The following SIPA1L1 variants were observed in gnomAD, a reference collection of about 807,000 sequenced individuals.
SIPA1L1 encodes signal-induced proliferation-associated 1-like protein 1.
SIPA1L1 carries 26 observed loss-of-function variants against 162.7 expected under a neutral mutation model. That is an observed-to-expected ratio of 0.16 (90% CI 0.12 to 0.22). SIPA1L1 has a LOEUF of 0.22. Ranked by LOEUF, SIPA1L1 falls within the 10% of genes least tolerant of loss-of-function variation. The probability of loss-of-function intolerance (pLI) is 1.00; values close to 1 mark genes in which losing one functional copy is unlikely to be tolerated. For synonymous variants in SIPA1L1, 829 were observed against 837.4 expected (o/e 0.99, Z 0.17); for missense variants, 1,874 against 2,241.0 (o/e 0.84, Z 3.31).
chr14:71,709,686 C>G, intron 17 of SIPA1L1, 22 bp downstream of exon 17: 1 of 1,591,928 alleles, frequency 6.3e-7, no homozygotes, highest in Non-Finnish European at 8.6e-7. Flanking sequence ...TCCCCGCTGT[C>G]TGATTCCCAG....
At chr14:71,401,203 G>A (rs940557182) in intron 2 of SIPA1L1, among the ~76,000 whole-genome samples, 3 of 152,256 alleles carry the variant, frequency 2.0e-5, no homozygotes, top group East Asian at 3.9e-4. Context: ...TCAAATGCCC[G>A]AAGAGTCACT....
chr14:71,616,667 G>A (rs2038877103), intron 5 of SIPA1L1, among the ~76,000 whole-genome samples: 1 of 152,116 alleles, frequency 6.6e-6, no homozygotes, highest in South Asian at 2.1e-4. Flanking sequence ...GATTAGGTTT[G>A]CATCTGAAAT....
chr14:71,675,895 G>C (rs2045116150), intron 12 of SIPA1L1, among the ~76,000 whole-genome samples: 2 of 152,134 alleles, frequency 1.3e-5, no homozygotes, highest in Admixed American at 1.3e-4. Flanking sequence ...AAATGGATTT[G>C]TGTGTTCACA....
chr14:71,603,676 A>T (rs2037072622), intron 5 of SIPA1L1, among the ~76,000 whole-genome samples: 1 of 151,924 alleles, frequency 6.6e-6, no homozygotes, highest in Non-Finnish European at 1.5e-5. Context: ...TAATCCCAGC[A>T]CTTTGGGAGG....
intron 16 of SIPA1L1, among the ~76,000 whole-genome samples, chr14:71,706,007 G>A (rs1449352292): frequency 2.6e-5 from 4 of 151,982 alleles, no homozygotes; most frequent in Non-Finnish European, 5.9e-5. Context: ...TCACTGGAAT[G>A]TGTATGTTTA....
At chr14:71,365,993 T>A (rs1357254655) in intron 2 of SIPA1L1, among the ~76,000 whole-genome samples, 1 of 151,388 alleles carries the variant, frequency 6.6e-6, no homozygotes, top group Non-Finnish European at 1.5e-5. Context: ...TCCAAAGTGC[T>A]GGGATTACAG....
At chr14:71,719,788 G>A (rs757101086) in intron 17 of SIPA1L1, among the ~76,000 whole-genome samples, 24 of 152,156 alleles carry the variant, frequency 1.6e-4, no homozygotes, top group Non-Finnish European at 3.4e-4. Context: ...CACTGCACCT[G>A]GCCTATTGTG....
intron 19 of SIPA1L1, among the ~76,000 whole-genome samples, chr14:71,729,489 C>G (rs539484683): frequency 1.3e-5 from 2 of 152,270 alleles, no homozygotes; most frequent in African/African-American, 4.8e-5. Flanking sequence ...TTTTGATGAT[C>G]AAATACCCTT....
At chr14:71,388,634 G>C (rs1175842351) in intron 2 of SIPA1L1, among the ~76,000 whole-genome samples, 1 of 152,242 alleles carries the variant, frequency 6.6e-6, no homozygotes, top group Non-Finnish European at 1.5e-5. Context: ...TGGATAGAGA[G>C]AATGAGAGGC....
In SIPA1L1 at chr14:71,624,159, C is replaced by T. The variant is rs373656237; in HGVS notation, c.1741C>T (p.Leu581Phe). 2 of 1,614,222 alleles carry T rather than the reference C, an allele frequency of 1.2e-6. No homozygotes were observed. Among genetic ancestry groups the T allele is most frequent in the Non-Finnish European group, 1.7e-6 (2 of 1,180,022 alleles). ...AGTGCTGGAGCACGTGGTTCCTGAG[C>T]TCAATGTCCAGTGCCTGCGGTTGGC... ...KEVLEHVVPE[L>F]NVQCLRLAFN... The change falls in exon 7 of 24, where the codon CTC becomes TTC. Residue 581 changes from leucine to phenylalanine, a missense_variant. Physicochemically the swap from Leu to Phe is conservative, Grantham distance 22. Coordinates refer to ENST00000381232, the MANE Select transcript of SIPA1L1 (RefSeq NM_001386936.1).
At chr14:71,663,809 A>G (rs2043753637) in intron 10 of SIPA1L1, among the ~76,000 whole-genome samples, 1 of 152,244 alleles carries the variant, frequency 6.6e-6, no homozygotes, top group African/African-American at 2.4e-5. Context: ...ACATGTGGGC[A>G]GGTCTGGAAT....
At chr14:71,467,122 C>T (rs1474247087) in intron 2 of SIPA1L1, 2 of 152,154 alleles carry the variant, frequency 1.3e-5, no homozygotes, top group Non-Finnish European at 2.9e-5. Flanking sequence ...ATTTCAGTGT[C>T]CAGATTTATG....
At chr14:71,619,915 C>T (rs935919525) in intron 6 of SIPA1L1, among the ~76,000 whole-genome samples, 3 of 152,174 alleles carry the variant, frequency 2.0e-5, no homozygotes, top group African/African-American at 7.2e-5. Flanking sequence ...AACTAACATA[C>T]TCTCATGTGC....
chr14:71,574,053 ATGAT>A (rs991928292), intron 4 of SIPA1L1: 1 of 183,950 alleles, frequency 5.4e-6, no homozygotes, highest in African/African-American at 2.4e-5. Flanking sequence ...TAGTGAAATC[ATGAT>A]TTATTTAAAG....
At position 71,734,685 on chromosome 14, in the gene SIPA1L1, A is replaced by G. The variant is rs183757817; in HGVS notation, c.5009-592A>G. 4.7e-3 allele frequency among the ~76,000 whole-genome samples: 712 copies of G among 152,346 alleles called. 4 individuals carry two copies. Among genetic ancestry groups the G allele is most frequent in the Admixed American group, 6.9e-3 (106 of 15,304 alleles). Reference sequence around the variant, plus strand: ...TACCTTCATGCTGTTTATTTAGCAGATGGAAATTCCCAGTTCTAACTTGAT... The same window carrying G: ...TACCTTCATGCTGTTTATTTAGCAGGTGGAAATTCCCAGTTCTAACTTGAT... On this transcript the variant is annotated intron_variant, in intron 21 of 23. Coordinates refer to ENST00000381232, the MANE Select transcript of SIPA1L1 (RefSeq NM_001386936.1).
At chr14:71,692,784 T>C (rs1033615535) in intron 13 of SIPA1L1, among the ~76,000 whole-genome samples, 2 of 152,212 alleles carry the variant, frequency 1.3e-5, no homozygotes, top group Non-Finnish European at 2.9e-5. Flanking sequence ...TATTCTGCAC[T>C]CACCCTAGGG....
At chr14:71,512,314 C>T (rs2051225781) in intron 2 of SIPA1L1, among the ~76,000 whole-genome samples, 1 of 152,110 alleles carries the variant, frequency 6.6e-6, no homozygotes, top group Admixed American at 6.5e-5. Context: ...GGCATAACAT[C>T]ACATGACAGA....
At chr14:71,380,884 T>TA (rs2039837205) in intron 2 of SIPA1L1, among the ~76,000 whole-genome samples, 1 of 152,202 alleles carries the variant, frequency 6.6e-6, no homozygotes, top group Non-Finnish European at 1.5e-5. Context: ...GCAACACTTA[T>TA]ATGCTGCCCA....
At chr14:71,504,881 C>T (rs1019179856) in intron 2 of SIPA1L1, among the ~76,000 whole-genome samples, 7 of 152,054 alleles carry the variant, frequency 4.6e-5, no homozygotes, top group Non-Finnish European at 7.4e-5. Flanking sequence ...CTGTTGGAGA[C>T]GTGTTCTAAT....
Sources: allele counts gnomAD v4.1 joint callset (sites outside exome capture counted in the v4.1 genomes callset), GRCh38; gene constraint gnomAD v4.1.1; transcripts MANE v1.5; gene names NCBI Gene and HGNC (gene_info 2026-07-23, HGNC 2026-07-21).